The following DMTN variants were observed in gnomAD, a reference collection of about 807,000 sequenced individuals.
The protein encoded by DMTN is dematin actin binding protein, also known as dematin.
Under a neutral mutation model 59.4 loss-of-function variants are expected in DMTN, and 27 were observed. That is an observed-to-expected ratio of 0.45 (90% CI 0.33 to 0.63). The LOEUF (loss-of-function observed/expected upper bound fraction) is 0.63. Ranked by LOEUF, DMTN falls within the 20% of genes least tolerant of loss-of-function variation. The pLI is 0.02. For synonymous variants in DMTN, 221 were observed against 203.7 expected (o/e 1.08, Z -0.72); for missense variants, 451 against 528.9 (o/e 0.85, Z 1.45).
At chr8:22,077,521 T>C (rs1820726662) in intron 10 of DMTN, among the ~76,000 whole-genome samples, 1 of 152,074 alleles carries the variant, frequency 6.6e-6, no homozygotes, top group Non-Finnish European at 1.5e-5. Context: ...TATTAGAGAA[T>C]GTGGAATAAA....
Position 22,060,779 on chromosome 8 carries a change from G to A in DMTN, c.-172+3643G>A, listed in dbSNP as rs1184660053. Among the ~76,000 whole-genome samples, 2 of 152,242 alleles carry A rather than the reference G, an allele frequency of 1.3e-5. No homozygotes were observed. The highest frequency in any genetic ancestry group is 3.9e-4 in the East Asian group (2 of 5,194). ...ACAGAGCAGAGGTGAGAGGCCAGAG[G>A]CTTAGTGACTCACACCAGCTTTGCC... On this transcript the variant is annotated intron_variant, in intron 1 of 15. Transcript: ENST00000358242. The surrounding 1 kb of genome is among the most constrained non-coding windows in gnomAD (Gnocchi z 5.0).
chr8:22,080,762 C>T (rs1432692512), intron 13 of DMTN, 43 bp from the exon 14 acceptor site: 1 of 1,596,938 alleles, frequency 6.3e-7, no homozygotes, highest in East Asian at 2.3e-5. Context: ...CTGGGAAGGT[C>T]TCCCTGCCCC....
chr8:22,075,877 TG>T (rs1245452848), intron 10 of DMTN, among the ~76,000 whole-genome samples: 1 of 152,110 alleles, frequency 6.6e-6, no homozygotes, highest in African/African-American at 2.4e-5. Flanking sequence ...GCATGAAAGA[TG>T]GGAGGCAACA....
At position 22,081,847 on chromosome 8, in the gene DMTN, C is replaced by A; in HGVS notation, c.*384C>A. The A allele has an allele frequency of 2.1e-6, 1 of 467,866 alleles. No individual in the cohort carries two copies. Among genetic ancestry groups the A allele is most frequent in the Non-Finnish European group, 4.3e-6 (1 of 234,646 alleles). The allele number at this position is 467,866 out of a possible 1,614,324, so 29.0% of individuals were successfully genotyped here. A position where few individuals can be genotyped will look rare whatever the true frequency, so the allele number is the denominator to read the frequency against. ...GATGCAGGGGTGGGAAGCGGCCAGG[C>A]AGAAAGAGCTCCAGGCTCTTGTGTC... is the stretch of plus-strand genomic sequence containing the variant. On this transcript the variant is annotated 3_prime_UTR_variant, in exon 16 of 16. Transcript: ENST00000358242.
At chr8:22,059,308 CCCA>C (rs1804595707) in intron 1 of DMTN, 1 of 152,288 alleles carries the variant, frequency 6.6e-6, no homozygotes, top group Non-Finnish European at 1.5e-5. Flanking sequence ...AAGTTCCCTG[CCCA>C]CCGACGCCAG....
intron 10 of DMTN, among the ~76,000 whole-genome samples, chr8:22,079,277 A>G (rs191836474): frequency 3.6e-5 from 1 of 27,680 alleles, no homozygotes; most frequent in Non-Finnish European, 6.8e-5. Context: ...TAAATAAATA[A>G]ATATATATAT....
chr8:22,066,931 G>A (rs1811111746), intron 2 of DMTN, 38 bp downstream of exon 2: 7 of 1,231,008 alleles, frequency 5.7e-6, no homozygotes, highest in Middle Eastern at 3.2e-4. Flanking sequence ...CGCCGAGGGC[G>A]GGTGGGGGCC....
intron 6 of DMTN, 138 bp from the exon 7 acceptor site, chr8:22,069,743 G>A (rs112125971): frequency 1.8e-6 from 2 of 1,084,652 alleles, no homozygotes; most frequent in East Asian, 2.4e-5. Context: ...GGCAGTGCCA[G>A]GAATGCCAGC....
intron 10 of DMTN, 91 bp from the exon 11 acceptor site, chr8:22,080,089 C>A (rs1382298069): frequency 1.4e-6 from 2 of 1,475,232 alleles, no homozygotes; most frequent in Non-Finnish European, 1.9e-6. Context: ...TCCTGCCCTG[C>A]CCCAGCTGTG....
At position 22,077,255 on chromosome 8, in the gene DMTN, T is replaced by C. The variant is rs1454970153; in HGVS notation, c.836-2925T>C. 2.6e-5 allele frequency among the ~76,000 whole-genome samples: 4 copies of C among 151,676 alleles called. No individual in the cohort carries two copies. In the East Asian group the frequency reaches 7.8e-4, roughly 30 times the overall value. On this transcript the variant is annotated intron_variant, in intron 10 of 15. Transcript: ENST00000358242. Reference sequence around the variant, plus strand: ...GAAGAAACTGGAGTTCTCCATGAGGTTGCTGGGCTGGGTGGTGGGGATGGA... The same window carrying C: ...GAAGAAACTGGAGTTCTCCATGAGGCTGCTGGGCTGGGTGGTGGGGATGGA...
chr8:22,055,190 G>C (rs559175518), upstream of DMTN, among the ~76,000 whole-genome samples: 125 of 152,240 alleles, frequency 8.2e-4, no homozygotes, highest in African/African-American at 2.8e-3. Flanking sequence ...CCTGGCATCA[G>C]CTCATTCCAA....
chr8:22,080,033 C>G, intron 10 of DMTN, 147 bp from the exon 11 acceptor site: 4 of 810,038 alleles, frequency 4.9e-6, no homozygotes, highest in Non-Finnish European at 8.2e-6. Context: ...CCAGTAGGAG[C>G]TGGGAGCTAG....
intron 9 of DMTN, among the ~76,000 whole-genome samples, chr8:22,072,706 C>G (rs182017127): frequency 2.5e-3 from 378 of 150,296 alleles, no homozygotes; most frequent in African/African-American, 8.9e-3. Flanking sequence ...AACTCCTGAC[C>G]TCAAGCGATC....
chr8:22,051,083 C>G (rs1033705314), upstream of DMTN, among the ~76,000 whole-genome samples: 49 of 152,132 alleles, frequency 3.2e-4, no homozygotes, highest in African/African-American at 1.1e-3. Flanking sequence ...TGCCTCTGAG[C>G]GCCTGGGTCT....
At chr8:22,054,103 T>TACACACACACACACAG (rs1554530809), upstream of DMTN, among the ~76,000 whole-genome samples, 4 of 148,344 alleles carry the variant, frequency 2.7e-5, no homozygotes, top group African/African-American at 7.5e-5. Context: ...CCACCACCAA[T>TACACACACACACACAG]ACACACACAC....
At chr8:22,068,435 C>G in intron 4 of DMTN, among the ~76,000 whole-genome samples, 1 of 152,174 alleles carries the variant, frequency 6.6e-6, no homozygotes, top group East Asian at 1.9e-4. Flanking sequence ...AGATGTGGTG[C>G]TGTGCACCTG....
chr8:22,063,348 G>A (rs949010820), intron 1 of DMTN, among the ~76,000 whole-genome samples: 7 of 152,278 alleles, frequency 4.6e-5, no homozygotes, highest in Non-Finnish European at 1.0e-4. Flanking sequence ...CTGGTCTCCC[G>A]GCAGACCTGG....
At chr8:22,075,516 A>ATTTT (rs386412281) in intron 10 of DMTN, among the ~76,000 whole-genome samples, 1,058 of 87,638 alleles carry the variant, frequency 0.012, 72 homozygotes, top group Middle Eastern at 0.04. Flanking sequence ...GCCCAGCTAA[A>ATTTT]TTTTTTTTTT....
upstream of DMTN, among the ~76,000 whole-genome samples, chr8:22,054,357 G>A (rs1373340220): frequency 6.6e-6 from 1 of 151,958 alleles, no homozygotes; most frequent in East Asian, 1.9e-4. Context: ...TGAGGAATTG[G>A]AAGAGAGCTG....
Sources: allele counts gnomAD v4.1 joint callset (sites outside exome capture counted in the v4.1 genomes callset), GRCh38; gene constraint gnomAD v4.1.1; non-coding constraint Gnocchi (gnomAD v3.1); transcripts MANE v1.5; gene names NCBI Gene and HGNC (gene_info 2026-07-23, HGNC 2026-07-21).